The following PKHD1 variants were observed in gnomAD, a reference collection of about 807,000 sequenced individuals.
The protein encoded by PKHD1 is PKHD1 ciliary IPT domain containing fibrocystin/polyductin, also known as fibrocystin.
In PKHD1, 291 loss-of-function variants were observed where a neutral mutation model predicts 412.0. The ratio of observed to expected loss-of-function variants is 0.71; its 90% CI spans 0.64 to 0.78. The LOEUF is 0.78. PKHD1 is among the 30% of genes least tolerant of loss of function. The pLI is 0.00. For synonymous variants in PKHD1, 1,777 were observed against 1,821.5 expected (o/e 0.98, Z 0.62); for missense variants, 4,825 against 4,950.7 (o/e 0.97, Z 0.76).
chr6:51,950,220 A>AAAATATATATATATATATATATATAT, intron 36 of PKHD1, among the ~76,000 whole-genome samples: 94 of 98,254 alleles, frequency 9.6e-4, no homozygotes, highest in Non-Finnish European at 1.6e-3. Context: ...GAAAAAAAAA[A>AAAATATATATATATATATATATATAT]ATATATATAT....
intron 35 of PKHD1, among the ~76,000 whole-genome samples, chr6:51,990,032 G>A (rs943488925): frequency 3.5e-5 from 4 of 114,374 alleles, no homozygotes; most frequent in South Asian, 5.8e-4. Context: ...TAGCAGCTGC[G>A]TTTATTGTTA....
chr6:51,848,637 T>C (rs1199122657), intron 49 of PKHD1, among the ~76,000 whole-genome samples: 1 of 152,126 alleles, frequency 6.6e-6, no homozygotes, highest in Non-Finnish European at 1.5e-5. Flanking sequence ...CAGAGTGCTC[T>C]CACGGGAATC....
At chr6:51,981,329 C>CTCCG (rs1795166101) in intron 35 of PKHD1, among the ~76,000 whole-genome samples, 5 of 8,998 alleles carry the variant, frequency 5.6e-4, no homozygotes, top group Non-Finnish European at 7.8e-4. Context: ...CTCCCTCTCC[C>CTCCG]TCTCCCTCTC....
At position 51,632,570 on chromosome 6, in the gene PKHD1, CT is replaced by C. The variant is rs1383010279; in HGVS notation, c.11659del (p.Ser3887AlafsTer44). 6.2e-7 allele frequency: 1 copy of C among 1,611,756 alleles called. No individual in the cohort carries two copies. Among genetic ancestry groups the C allele is most frequent in the South Asian group, 1.1e-5 (1 of 90,908 alleles). ...ATAAAAAAAAAACTACATACTTCTG[CT>C]TTTGCTTCTTTTAAGCCAACAGCAC... ...LVCCWLKRSK[S>X]RKTKPEEIPE... On this transcript the variant is annotated frameshift_variant, in exon 65 of 67. Transcript: ENST00000371117. LOFTEE classifies it high-confidence loss of function.
At chr6:51,883,026 C>G in intron 46 of PKHD1, 67 bp downstream of exon 46, 2 of 1,235,066 alleles carry the variant, frequency 1.6e-6, no homozygotes, top group Non-Finnish European at 2.4e-6. Context: ...CCTGGATCAT[C>G]AGGGGGCCCA....
chr6:51,800,457 C>A (rs917895032), intron 52 of PKHD1, among the ~76,000 whole-genome samples: 1 of 152,310 alleles, frequency 6.6e-6, no homozygotes, highest in Non-Finnish European at 1.5e-5. Context: ...AAAACCTGAG[C>A]CAGACTGAAA....
At chr6:51,944,653 C>T (rs1005798943) in intron 36 of PKHD1, among the ~76,000 whole-genome samples, 8 of 152,172 alleles carry the variant, frequency 5.3e-5, no homozygotes, top group African/African-American at 1.9e-4. Context: ...CCCTTGAAAA[C>T]CCCTAACCTC....
In PKHD1 at chr6:51,938,510, C is replaced by T. The variant is rs555414592; in HGVS notation, c.5909-4188G>A. 1.7e-3 allele frequency among the ~76,000 whole-genome samples: 203 copies of T among 121,104 alleles called. 2 individuals are homozygous for T. Among genetic ancestry groups the T allele is most frequent in the African/African-American group, 2.6e-3 (91 of 35,514 alleles). The allele number at this position is 121,104 out of a possible 152,430, so 79.4% of individuals were successfully genotyped here. ...CACGCTGTGACCCCCCACTCCTGCCCGCCAGAGAACAACCCCCCTTTTTCC... is the reference window on the plus strand; with the variant it reads ...CACGCTGTGACCCCCCACTCCTGCCTGCCAGAGAACAACCCCCCTTTTTCC... On this transcript the variant is annotated intron_variant, in intron 36 of 66. Transcript: ENST00000371117.
chr6:51,700,815 A>G (rs946772344), intron 60 of PKHD1, among the ~76,000 whole-genome samples: 1 of 152,146 alleles, frequency 6.6e-6, no homozygotes, highest in African/African-American at 2.4e-5. Context: ...TCATTTTCTA[A>G]GAGTTAGGCA....
rs1800738202 is a variant in PKHD1 at position 52,017,556 on chromosome 6, C to T, written c.5454G>A (p.Gln1818=). 1 of 1,614,180 alleles carries T rather than the reference C, an allele frequency of 6.2e-7. No homozygotes were observed. The change falls in exon 34 of 67, where the codon CAG becomes CAA. Residue 1818 remains glutamine (Q), a synonymous_variant. Transcript: ENST00000371117. ...SCEAARHTYV[Q]CDLTVAMATE... Reference sequence around the variant, plus strand: ...TCGCCATGGCAACTGTCAAATCACACTGCACATAGGTGTGTCTGGCAGCCT... The same window carrying T: ...TCGCCATGGCAACTGTCAAATCACATTGCACATAGGTGTGTCTGGCAGCCT...
intron 60 of PKHD1, among the ~76,000 whole-genome samples, chr6:51,729,083 A>T (rs1467232588): frequency 6.6e-6 from 1 of 152,260 alleles, no homozygotes; most frequent in African/African-American, 2.4e-5. Context: ...GAAAGGTTGC[A>T]TCCTACCAAT....
intron 5 of PKHD1, 118 bp downstream of exon 5, chr6:52,079,782 A>C: frequency 2.6e-6 from 2 of 770,480 alleles, no homozygotes; most frequent in Non-Finnish European, 4.8e-6. Flanking sequence ...ATTACCATCC[A>C]CCATTTTCTT....
At chr6:51,689,740 C>T (rs772015217) in intron 60 of PKHD1, among the ~76,000 whole-genome samples, 1 of 152,106 alleles carries the variant, frequency 6.6e-6, no homozygotes, top group Non-Finnish European at 1.5e-5. Flanking sequence ...GAACTCCCAT[C>T]CATAATTGCC....
chr6:51,678,491 A>G (rs978567523), intron 60 of PKHD1, among the ~76,000 whole-genome samples: 1 of 152,184 alleles, frequency 6.6e-6, no homozygotes, highest in Non-Finnish European at 1.5e-5. Flanking sequence ...GAAGTGTTGC[A>G]AACATTCATA....
intron 52 of PKHD1, among the ~76,000 whole-genome samples, chr6:51,812,062 G>A (rs1283785968): frequency 6.6e-6 from 1 of 152,152 alleles, no homozygotes; most frequent in Non-Finnish European, 1.5e-5. Flanking sequence ...AAAGCAACAT[G>A]GAGGCCAGCA....
intron 65 of PKHD1, among the ~76,000 whole-genome samples, chr6:51,629,552 T>C (rs763123618): frequency 5.9e-5 from 9 of 151,784 alleles, no homozygotes; most frequent in Non-Finnish European, 1.0e-4. Flanking sequence ...GGATATACCC[T>C]GAAATAAAAT....
chr6:51,915,733 A>T (rs1259528975), intron 37 of PKHD1, among the ~76,000 whole-genome samples: 3 of 152,036 alleles, frequency 2.0e-5, no homozygotes, highest in African/African-American at 7.2e-5. Context: ...CAGTAGATGC[A>T]GGGATGAGGC....
Position 51,977,450 on chromosome 6 carries a change from G to A in PKHD1, c.5752-17424C>T, listed in dbSNP as rs1418195575. Reference sequence around the variant, plus strand: ...AGAGCTTGCCTCCATTAGCTTCATCGAGAACAGCCTTTCACCCCTGTTCTA... The same window carrying A: ...AGAGCTTGCCTCCATTAGCTTCATCAAGAACAGCCTTTCACCCCTGTTCTA... On this transcript the variant is annotated intron_variant, in intron 35 of 66. Coordinates refer to ENST00000371117, the MANE Select transcript of PKHD1 (RefSeq NM_138694.4). Among the ~76,000 whole-genome samples, 5 of 152,040 alleles carry A rather than the reference G, an allele frequency of 3.3e-5. No homozygotes were observed. In the East Asian group the frequency reaches 7.7e-4, roughly 23 times the overall value.
intron 7 of PKHD1, among the ~76,000 whole-genome samples, chr6:52,072,961 CA>C (rs1158103203): frequency 6.6e-6 from 1 of 152,140 alleles, no homozygotes; most frequent in Non-Finnish European, 1.5e-5. Flanking sequence ...ACCACGTCTC[CA>C]GTGAAGAAAG....
Sources: gnomAD v4.1 joint callset for allele counts (sites outside exome capture counted in the v4.1 genomes callset) on GRCh38, gnomAD v4.1.1 for gene constraint, MANE v1.5 for transcripts, NCBI Gene and HGNC (gene_info 2026-07-23, HGNC 2026-07-21) for gene names.